SLC46A1: variants seen among roughly 807,000 people sequenced by gnomAD.
SLC46A1 encodes solute carrier family 46 member 1.
Under a neutral mutation model 32.1 loss-of-function variants are expected in SLC46A1, and 17 were observed. The ratio of observed to expected loss-of-function variants is 0.53; its 90% CI spans 0.36 to 0.79. The LOEUF is 0.79. SLC46A1 is among the 30% of genes least tolerant of loss of function. The pLI, the probability that SLC46A1 is intolerant of heterozygous loss-of-function variation, is 0.00. For synonymous variants in SLC46A1, 240 were observed against 262.7 expected, an observed-to-expected ratio of 0.91 and a Z score of 0.84; for missense variants, 517 against 588.2, an observed-to-expected ratio of 0.88 and a Z score of 1.25.
rs2068253755 is a variant in SLC46A1 at position 28,405,795 on chromosome 17, C to A, written c.228+92G>T. On this transcript the variant is annotated intron_variant, in intron 1 of 4. Transcript: ENST00000612814. ...AAAATGCACCCTCCCTCCAGTTACC[C>A]GCCACTACCATTACGCAGGCCCCGC... 3.0e-6 allele frequency: 4 copies of A among 1,347,606 alleles called. No homozygotes were observed. The Admixed American group carries it at 7.0e-5, about 23-fold the overall frequency. The allele number at this position is 1,347,606 out of a possible 1,614,324, so 83.5% of individuals were successfully genotyped here. A position where few individuals can be genotyped will look rare whatever the true frequency, so the allele number is the denominator to read the frequency against.
rs782084258 is a variant in SLC46A1 at position 28,399,513 on chromosome 17, C to T, written c.*143G>A. 1 of 810,226 alleles carries T rather than the reference C, an allele frequency of 1.2e-6. No homozygotes were observed. Among genetic ancestry groups the T allele is most frequent in the Non-Finnish European group, 2.0e-6 (1 of 497,360 alleles). The allele number at this position is 810,226 out of a possible 1,614,324, so 50.2% of individuals were successfully genotyped here. Reference sequence around the variant, plus strand: ...TGTGGATGGGGTGGTGCCTTGGTCTCTCTTGACTACCTCGTCCAAAGAGAG... The same window carrying T: ...TGTGGATGGGGTGGTGCCTTGGTCTTTCTTGACTACCTCGTCCAAAGAGAG... On this transcript the variant is annotated 3_prime_UTR_variant, in exon 5 of 5. Coordinates refer to ENST00000612814, the MANE Select transcript of SLC46A1 (RefSeq NM_080669.6).
rs1019866878 is a variant in SLC46A1, at chr17:28,394,985, T to C, written c.*4671A>G. ...TAAGTGGGGATCTAAGGGAGTCTTA[T>C]CTCTGGTGCCATTTGGTCTTCCTAA... On this transcript the variant is annotated 3_prime_UTR_variant, in exon 5 of 5. Transcript: ENST00000612814. 7 of 151,024 alleles carry C rather than the reference T, an allele frequency of 4.6e-5. No homozygotes were observed. The highest frequency in any genetic ancestry group is 1.7e-4 in the African/African-American group (7 of 40,944). 9.4% of individuals were successfully genotyped at this position (151,024 alleles called of 1,614,324 possible).
At chr17:28,406,217 C>T, upstream of SLC46A1, 1 of 878,182 alleles carries the variant, frequency 1.1e-6, no homozygotes, top group Non-Finnish European at 1.5e-6. This position sits in a 1 kb window ranked among gnomAD's most constrained non-coding sequence, Gnocchi z 4.5. Context: ...CTGTCTGCGC[C>T]TGCGCCCGGC....
chr17:28,402,397 T>C (rs1474629627), intron 2 of SLC46A1, 76 bp from the exon 3 acceptor site: 1 of 1,281,680 alleles, frequency 7.8e-7, no homozygotes, highest in African/African-American at 1.5e-5. Flanking sequence ...GCAGAGCTCC[T>C]ATCCATACCC....
At position 28,397,352 on chromosome 17, in the gene SLC46A1, T is replaced by G. The variant is rs1431231833; in HGVS notation, c.*2304A>C. 2.0e-5 allele frequency: 3 copies of G among 152,268 alleles called. No homozygotes were observed. The highest frequency in any genetic ancestry group is 2.9e-5 in the Non-Finnish European group (2 of 68,066). The allele number at this position is 152,268 out of a possible 1,614,324, so 9.4% of individuals were successfully genotyped here. ...TCTGCATTTCTTACAGATTCCCAGG[T>G]GAGCTGATGCTGGTGGTTAAGGGTA... On this transcript the variant is annotated 3_prime_UTR_variant, in exon 5 of 5. Transcript: ENST00000612814.
chr17:28,406,483 T>C, upstream of SLC46A1: 1 of 213,418 alleles, frequency 4.7e-6, no homozygotes, highest in Non-Finnish European at 9.2e-6. The surrounding 1 kb of genome is among the most constrained non-coding windows in gnomAD (Gnocchi z 4.5). Context: ...TATTAAACCC[T>C]TTTTGTGCGT....
chr17:28,400,789 C>A, intron 3 of SLC46A1, 23 bp from the exon 4 acceptor site: 1 of 1,550,908 alleles, frequency 6.4e-7, no homozygotes, highest in Non-Finnish European at 8.7e-7. Context: ...AAATACCATA[C>A]TCTGGAGTCC....
At chr17:28,403,920 G>A (rs2068224628) in intron 2 of SLC46A1, 1 of 152,808 alleles carries the variant, frequency 6.5e-6, no homozygotes, top group Non-Finnish European at 1.5e-5. Context: ...AGGCCAAGGT[G>A]GGAGGATCAT....
chr17:28,405,507 T>C (rs377231632), intron 1 of SLC46A1, 39 bp from the exon 2 acceptor site: 3 of 1,583,868 alleles, frequency 1.9e-6, no homozygotes, highest in Non-Finnish European at 2.6e-6. Flanking sequence ...TTCCTCACTC[T>C]GGGTTCCACA....
chr17:28,396,159 G>A lies in SLC46A1; in HGVS notation c.*3497C>T, dbSNP rs2068120278. On this transcript the variant is annotated 3_prime_UTR_variant, in exon 5 of 5. Coordinates refer to ENST00000612814, the MANE Select transcript of SLC46A1 (RefSeq NM_080669.6). ...CACATTGGCTCCTGTGCCCACAGGTGGTCCCACGAATACCAGGAGGCCACC... is the reference window on the plus strand; with the variant it reads ...CACATTGGCTCCTGTGCCCACAGGTAGTCCCACGAATACCAGGAGGCCACC... 3 of 1,613,934 alleles carry A rather than the reference G, an allele frequency of 1.9e-6. No individual in the cohort carries two copies. The highest frequency in any genetic ancestry group is 2.5e-6 in the Non-Finnish European group (3 of 1,179,872).
chr17:28,401,322 G>A (rs1462302718), intron 3 of SLC46A1: 1 of 160,812 alleles, frequency 6.2e-6, no homozygotes, highest in Non-Finnish European at 1.4e-5. Flanking sequence ...AGTTAGTAAG[G>A]GCTGTTCTTT....
At chr17:28,401,711 G>C (rs541006489) in intron 3 of SLC46A1, 1 of 152,186 alleles carries the variant, frequency 6.6e-6, no homozygotes. Flanking sequence ...GGCAGGGCTC[G>C]GACTAAAACC....
At chr17:28,406,317 C>A (rs928332636), upstream of SLC46A1, 10 of 426,920 alleles carry the variant, frequency 2.3e-5, no homozygotes, top group Non-Finnish European at 3.6e-5. The surrounding 1 kb of genome is among the most constrained non-coding windows in gnomAD (Gnocchi z 4.5). Context: ...CGTGGGCCAG[C>A]GAGGGGCCCG....
At position 28,399,406 on chromosome 17, in the gene SLC46A1, C is replaced by T; in HGVS notation, c.*250G>A. Reference sequence around the variant, plus strand: ...GCAGAAAGGGAGAACTGACTCCTGTCCCAAATAGCTCCTCTGCCACCTGTC... The same window carrying T: ...GCAGAAAGGGAGAACTGACTCCTGTTCCAAATAGCTCCTCTGCCACCTGTC... On this transcript the variant is annotated 3_prime_UTR_variant, in exon 5 of 5. Transcript: ENST00000612814. 1 of 529,312 alleles carries T rather than the reference C, an allele frequency of 1.9e-6. No homozygotes were observed. The highest frequency in any genetic ancestry group is 3.2e-5 in the East Asian group (1 of 31,434). The allele number at this position is 529,312 out of a possible 1,614,324, so 32.8% of individuals were successfully genotyped here.
At chr17:28,405,621 GA>G in intron 1 of SLC46A1, 153 bp from the exon 2 acceptor site, 1 of 1,202,544 alleles carries the variant, frequency 8.3e-7, no homozygotes, top group South Asian at 1.4e-5. Flanking sequence ...TGCCAGTGGA[GA>G]GGGGGAAGGA....
chr17:28,397,714 C>T lies in SLC46A1; in HGVS notation c.*1942G>A, dbSNP rs144246026. On this transcript the variant is annotated 3_prime_UTR_variant, in exon 5 of 5. Transcript: ENST00000612814. Reference sequence around the variant, plus strand: ...ACAAAAAGCTGACCCAGAGGCCATACAGAGCAGGAATATCCCATTGCCCCC... The same window carrying T: ...ACAAAAAGCTGACCCAGAGGCCATATAGAGCAGGAATATCCCATTGCCCCC... 6.6e-6 allele frequency: 1 copy of T among 152,408 alleles called. No homozygotes were observed. Among genetic ancestry groups the T allele is most frequent in the African/African-American group, 2.4e-5 (1 of 41,594 alleles). The allele number at this position is 152,408 out of a possible 1,614,324, so 9.4% of individuals were successfully genotyped here.
upstream of SLC46A1, chr17:28,406,219 G>A: frequency 1.2e-6 from 1 of 867,460 alleles, no homozygotes; most frequent in Non-Finnish European, 1.5e-6. The surrounding 1 kb of genome is among the most constrained non-coding windows in gnomAD (Gnocchi z 4.5). Flanking sequence ...GTCTGCGCCT[G>A]CGCCCGGCGT....
At position 28,396,435 on chromosome 17, in the gene SLC46A1, GC is replaced by G; in HGVS notation, c.*3220del. Reference sequence around the variant, plus strand: ...CCTCCCCCTGTCCCCCACCCTCATGGCCCACCTCCAACCCACTTTCCTCAGT... The same window carrying G: ...CCTCCCCCTGTCCCCCACCCTCATGGCCACCTCCAACCCACTTTCCTCAGT... On this transcript the variant is annotated 3_prime_UTR_variant, in exon 5 of 5. Transcript: ENST00000612814. The G allele has an allele frequency of 1.1e-6, 1 of 895,668 alleles. No homozygotes were observed. Among genetic ancestry groups the G allele is most frequent in the Non-Finnish European group, 1.7e-6 (1 of 592,264 alleles). 55.5% of individuals were successfully genotyped at this position (895,668 alleles called of 1,614,324 possible).
intron 2 of SLC46A1, 38 bp downstream of exon 2, chr17:28,404,578 C>T (rs551010444): frequency 6.2e-7 from 1 of 1,608,018 alleles, no homozygotes; most frequent in East Asian, 2.2e-5. Flanking sequence ...TTACCCAGTG[C>T]CTCTGGGACA....
Sources: gnomAD v4.1 joint callset for allele counts on GRCh38, gnomAD v4.1.1 for gene constraint, Gnocchi (gnomAD v3.1) non-coding constraint, MANE v1.5 for transcripts, NCBI Gene and HGNC (gene_info 2026-07-23, HGNC 2026-07-21) for gene names.